The following KHDRBS3 variants were observed in gnomAD, a reference collection of about 807,000 sequenced individuals.
KHDRBS3 encodes the protein KH RNA binding domain containing, signal transduction associated 3.
Under a neutral mutation model 45.6 loss-of-function variants are expected in KHDRBS3, and 23 were observed. The ratio of observed to expected loss-of-function variants is 0.50; its 90% CI spans 0.36 to 0.72. The LOEUF (loss-of-function observed/expected upper bound fraction) is 0.72. KHDRBS3 is among the 30% of genes least tolerant of loss of function. KHDRBS3 has a pLI of 0.00. For missense variants in KHDRBS3, 352 were observed against 424.8 expected (o/e 0.83, Z 1.51); for synonymous variants, 162 against 156.5 (o/e 1.04, Z -0.26).
At chr8:135,466,197 T>A (rs1014141721) in intron 1 of KHDRBS3, among the ~76,000 whole-genome samples, 1 of 152,236 alleles carries the variant, frequency 6.6e-6, no homozygotes, top group African/African-American at 2.4e-5. Flanking sequence ...TACTTGCTAA[T>A]CAATATTTGC....
chr8:135,480,123 T>TA (rs1004533077), intron 1 of KHDRBS3, among the ~76,000 whole-genome samples: 9 of 101,032 alleles, frequency 8.9e-5, no homozygotes, highest in Admixed American at 2.2e-4. Flanking sequence ...ACTTTCATGA[T>TA]AAAAAACACC....
At chr8:135,504,844 G>A (rs966555049) in intron 1 of KHDRBS3, among the ~76,000 whole-genome samples, 6 of 152,184 alleles carry the variant, frequency 3.9e-5, no homozygotes, top group Admixed American at 3.9e-4. Flanking sequence ...CTATGCTAAT[G>A]TCATTACATA....
chr8:135,462,234 TCA>T (rs1404963640), intron 1 of KHDRBS3, among the ~76,000 whole-genome samples: 1 of 146,418 alleles, frequency 6.8e-6, no homozygotes, highest in East Asian at 1.9e-4. Context: ...CTTTGTGTTA[TCA>T]GTTTTTTTTT....
intron 1 of KHDRBS3, among the ~76,000 whole-genome samples, chr8:135,509,974 CTTTTT>C (rs1237666093): frequency 8.1e-6 from 1 of 122,936 alleles, no homozygotes; most frequent in Non-Finnish European, 1.6e-5. Flanking sequence ...TTCCCCCCCC[CTTTTT>C]TTTTTTTTTT....
At chr8:135,533,686 G>A (rs2130723778) in intron 2 of KHDRBS3, among the ~76,000 whole-genome samples, 1 of 152,256 alleles carries the variant, frequency 6.6e-6, no homozygotes, top group South Asian at 2.1e-4. Flanking sequence ...TTTCTTAGCT[G>A]TTAAACTGAT....
chr8:135,633,887 CAAAG>C (rs772281208), intron 7 of KHDRBS3, among the ~76,000 whole-genome samples: 32 of 152,188 alleles, frequency 2.1e-4, no homozygotes, highest in Non-Finnish European at 4.0e-4. Context: ...GATCATCACT[CAAAG>C]CCCTTAGTTG....
intron 1 of KHDRBS3, among the ~76,000 whole-genome samples, chr8:135,498,995 A>G (rs1823597137): frequency 6.6e-6 from 1 of 152,196 alleles, no homozygotes; most frequent in African/African-American, 2.4e-5. Flanking sequence ...CTTATTTTAT[A>G]TACTCTTAGA....
intron 1 of KHDRBS3, among the ~76,000 whole-genome samples, chr8:135,487,265 CTGGT>C (rs1822910152): frequency 6.6e-6 from 1 of 152,120 alleles, no homozygotes; most frequent in Non-Finnish European, 1.5e-5. Flanking sequence ...TCATGTATAC[CTGGT>C]AAAGCTACTT....
Position 135,632,264 on chromosome 8 carries a change from C to T in KHDRBS3, c.891-12795C>T, listed in dbSNP as rs141525314. ...TGCCACACTTGATGAGGGAATCCGT[C>T]GTTCCTTCTGAAGAGCCTTAGGCCC... On this transcript the variant is annotated intron_variant, in intron 7 of 8. Transcript: ENST00000355849. Among the ~76,000 whole-genome samples, 18 of 152,296 alleles carry T rather than the reference C, an allele frequency of 1.2e-4. No individual in the cohort carries two copies. In the East Asian group the frequency reaches 2.9e-3, roughly 25 times the overall value.
At chr8:135,513,320 G>A (rs1023370766) in intron 1 of KHDRBS3, among the ~76,000 whole-genome samples, 3 of 152,150 alleles carry the variant, frequency 2.0e-5, no homozygotes, top group East Asian at 1.9e-4. Flanking sequence ...AGGCATGTAC[G>A]GTATTTGGCA....
chr8:135,623,707 C>A (rs1338936698), intron 7 of KHDRBS3, among the ~76,000 whole-genome samples: 1 of 151,890 alleles, frequency 6.6e-6, no homozygotes, highest in Admixed American at 6.6e-5. Context: ...TCTAAAAGGC[C>A]GCAAAAGAGA....
At chr8:135,569,030 C>A (rs959682927) in intron 5 of KHDRBS3, among the ~76,000 whole-genome samples, 2 of 151,834 alleles carry the variant, frequency 1.3e-5, no homozygotes, top group African/African-American at 4.8e-5. Context: ...ATGGTGTCTT[C>A]TAAATTTTAT....
chr8:135,606,779 G>A (rs377090029), intron 6 of KHDRBS3, among the ~76,000 whole-genome samples, 176 bp from the exon 7 acceptor site: 1 of 152,134 alleles, frequency 6.6e-6, no homozygotes, highest in Non-Finnish European at 1.5e-5. Context: ...CTTTGCTTTT[G>A]TAGAGAGAAT....
At chr8:135,459,738 G>C (rs768555816) in intron 1 of KHDRBS3, among the ~76,000 whole-genome samples, 1 of 152,204 alleles carries the variant, frequency 6.6e-6, no homozygotes, top group Non-Finnish European at 1.5e-5. Flanking sequence ...TTTCTCTGCC[G>C]TGTTGCCATA....
intron 1 of KHDRBS3, among the ~76,000 whole-genome samples, chr8:135,511,246 A>G (rs1218970810): frequency 1.3e-5 from 2 of 152,202 alleles, no homozygotes; most frequent in African/African-American, 2.4e-5. Flanking sequence ...CTTTCTGTAA[A>G]TGAACATTGT....
chr8:135,507,730 C>T (rs1824079389), intron 1 of KHDRBS3, among the ~76,000 whole-genome samples: 1 of 152,114 alleles, frequency 6.6e-6, no homozygotes, highest in South Asian at 2.1e-4. Context: ...GTATGCATAA[C>T]ACTCCCTGTC....
chr8:135,643,828 T>C (rs1831169238), intron 7 of KHDRBS3, among the ~76,000 whole-genome samples: 1 of 152,180 alleles, frequency 6.6e-6, no homozygotes, highest in Non-Finnish European at 1.5e-5. Context: ...GTCAAATGGG[T>C]ATGGCAGTTT....
At chr8:135,458,144 G>C (rs1291777141) in intron 1 of KHDRBS3, 190 bp downstream of exon 1, 1 of 1,355,164 alleles carries the variant, frequency 7.4e-7, no homozygotes, top group East Asian at 3.1e-5. Flanking sequence ...ACCCTGATGT[G>C]AATTTTGGGG....
intron 1 of KHDRBS3, among the ~76,000 whole-genome samples, chr8:135,489,032 A>C (rs1029566388): frequency 1.3e-5 from 2 of 152,188 alleles, no homozygotes; most frequent in African/African-American, 4.8e-5. Flanking sequence ...AAAGCCCAGT[A>C]ATGTACCTGC....
Sources: allele counts gnomAD v4.1 joint callset (sites outside exome capture counted in the v4.1 genomes callset), GRCh38; gene constraint gnomAD v4.1.1; transcripts MANE v1.5; gene names NCBI Gene and HGNC (gene_info 2026-07-23, HGNC 2026-07-21).